The following LRRK1 variants were observed in gnomAD, a reference collection of about 807,000 sequenced individuals.
LRRK1 encodes the protein leucine-rich repeat serine/threonine-protein kinase 1.
LRRK1 carries 113 observed loss-of-function variants against 209.1 expected under a neutral mutation model. That is an observed-to-expected ratio of 0.54 (90% CI 0.46 to 0.63). LRRK1 has a LOEUF of 0.63. LRRK1 is among the 30% of genes least tolerant of loss of function. LRRK1 has a pLI of 0.00. For synonymous variants in LRRK1, 1,144 were observed against 1,099.7 expected, an observed-to-expected ratio of 1.04 and a Z score of -0.80; for missense variants, 2,284 against 2,632.2, an observed-to-expected ratio of 0.87 and a Z score of 2.89.
rs1397784534 is a variant in LRRK1 at position 100,993,660 on chromosome 15, C to G, written c.762+4262C>G. Among the ~76,000 whole-genome samples, 9 of 152,068 alleles carry G rather than the reference C, an allele frequency of 5.9e-5. No homozygotes were observed. In the East Asian group the frequency reaches 1.5e-3, roughly 26 times the overall value. ...TATTTATTTTCAGGTTTTTATTTGT[C>G]TCTTTGCCGTAGGTATATTTCTTGT... On this transcript the variant is annotated intron_variant, in intron 6 of 33. Transcript: ENST00000388948.
intron 6 of LRRK1, among the ~76,000 whole-genome samples, chr15:101,004,912 T>TTA (rs2032870554): frequency 6.6e-6 from 1 of 152,362 alleles, no homozygotes; most frequent in East Asian, 1.9e-4. Flanking sequence ...TTTGTTTATT[T>TTA]TATGATGGTC....
intron 6 of LRRK1, among the ~76,000 whole-genome samples, chr15:100,999,303 TTAAGAA>T (rs1315203106): frequency 6.6e-6 from 1 of 152,240 alleles, no homozygotes; most frequent in Non-Finnish European, 1.5e-5. Context: ...TACCTGTTTT[TTAAGAA>T]TTTTAGCAAA....
Position 101,052,908 on chromosome 15 carries a change from G to A in LRRK1, c.3690-14G>A, listed in dbSNP as rs190416632. 2 of 1,600,276 alleles carry A rather than the reference G, an allele frequency of 1.2e-6. No individual in the cohort carries two copies. Among genetic ancestry groups the A allele is most frequent in the Non-Finnish European group, 1.7e-6 (2 of 1,169,472 alleles). On this transcript the variant is annotated splice_polypyrimidine_tract_variant and intron_variant, in intron 24 of 33. Coordinates refer to ENST00000388948, the MANE Select transcript of LRRK1 (RefSeq NM_024652.6). ...GGCGGGGGGGATGTGGCTGATGCCGGGCGTGTGTGGCAGGCTCTTCCTGGA... is the reference window on the plus strand; with the variant it reads ...GGCGGGGGGGATGTGGCTGATGCCGAGCGTGTGTGGCAGGCTCTTCCTGGA...
chr15:100,924,582 G>A lies in LRRK1; in HGVS notation c.-51G>A, dbSNP rs771516620. 57 of 1,533,212 alleles carry A rather than the reference G, an allele frequency of 3.7e-5. No homozygotes were observed. The highest frequency in any genetic ancestry group is 4.9e-5 in the Non-Finnish European group (54 of 1,107,588). The allele number at this position is 1,533,212 out of a possible 1,614,324, so 95.0% of individuals were successfully genotyped here. On this transcript the variant is annotated 5_prime_UTR_variant, in exon 2 of 34. It introduces an in-frame stop codon into an upstream open reading frame of the 5' UTR. Coordinates refer to ENST00000388948, the MANE Select transcript of LRRK1 (RefSeq NM_024652.6). ...ATGCACCCCACAGCCAGCGGCAGTGGCAGTGACAACAGCGGGACCTGCCTT... is the reference window on the plus strand; with the variant it reads ...ATGCACCCCACAGCCAGCGGCAGTGACAGTGACAACAGCGGGACCTGCCTT...
At position 101,053,299 on chromosome 15, in the gene LRRK1, G is replaced by A. The variant is rs78975797; in HGVS notation, c.3933G>A (p.Leu1311=). 1.5e-3 allele frequency: 2,463 copies of A among 1,605,956 alleles called. 36 individuals are homozygous for A. In the African/African-American group the frequency reaches 0.027, roughly 18 times the overall value. The change falls in exon 26 of 34, where the codon CTG becomes CTA. Residue 1311 remains leucine, a synonymous_variant. Coordinates refer to ENST00000388948, the MANE Select transcript of LRRK1 (RefSeq NM_024652.6). Reference sequence around the variant, plus strand: ...AGTTCCGGCAGGAGGCCAGCATGCTGCACGCGCTGCAGCACCCCTGCATCG... The same window carrying A: ...AGTTCCGGCAGGAGGCCAGCATGCTACACGCGCTGCAGCACCCCTGCATCG... ...FSEFRQEASM[L]HALQHPCIVA... is the part of the protein sequence containing the mutation.
Position 101,066,685 on chromosome 15 carries a change from C to T in LRRK1, c.5814C>T (p.Gly1938=), listed in dbSNP as rs2959197. 13 of 1,613,724 alleles carry T rather than the reference C, an allele frequency of 8.1e-6. No homozygotes were observed. In the East Asian group the frequency reaches 8.9e-5, roughly 11 times the overall value. The change falls in exon 33 of 34, where the codon GGC becomes GGT. Residue 1938 remains glycine (G), a synonymous_variant. Transcript: ENST00000388948. ...VIVIGLEKDS[G]AQRGRVIAVL... ...TCATTGGCCTGGAGAAGGATTCTGG[C>T]GCCCAGCGGGGCCGAGTCATTGCCG...
chr15:100,954,264 C>G (rs2042711605), intron 2 of LRRK1, among the ~76,000 whole-genome samples: 1 of 152,118 alleles, frequency 6.6e-6, no homozygotes, highest in African/African-American at 2.4e-5. Flanking sequence ...GTGCCGACAA[C>G]CTTTTCCTAT....
chr15:100,987,111 T>G (rs1402594447), intron 4 of LRRK1, among the ~76,000 whole-genome samples: 2 of 152,208 alleles, frequency 1.3e-5, no homozygotes, highest in Non-Finnish European at 2.9e-5. Context: ...AATCATTAAT[T>G]CTGGTTAACA....
chr15:101,054,812 A>G, intron 26 of LRRK1, 134 bp from the exon 27 acceptor site: 1 of 805,826 alleles, frequency 1.2e-6, no homozygotes, highest in Non-Finnish European at 1.9e-6. Flanking sequence ...ACTCTGTCTC[A>G]ATAAAAGAAA....
rs374909931 is a variant in LRRK1 at position 101,011,982 on chromosome 15, A to AT, written c.1282-17dup. Reference sequence around the variant, plus strand: ...GCATTTAAAGAGCTAACTAATATACATTTTTTTTTCTCGTCAATCTCTTAG... The same window carrying AT: ...GCATTTAAAGAGCTAACTAATATACATTTTTTTTTTCTCGTCAATCTCTTAG... On this transcript the variant is annotated intron_variant, in intron 9 of 33. Transcript: ENST00000388948. 1,492 of 1,509,674 alleles carry AT rather than the reference A, an allele frequency of 9.9e-4. 1 individual carries two copies. The highest frequency in any genetic ancestry group is 1.6e-3 in the Middle Eastern group (9 of 5,708). 93.5% of individuals were successfully genotyped at this position (1,509,674 alleles called of 1,614,324 possible).
At chr15:101,012,483 C>T (rs780032490) in intron 10 of LRRK1, among the ~76,000 whole-genome samples, 12 of 152,312 alleles carry the variant, frequency 7.9e-5, no homozygotes, top group Middle Eastern at 3.4e-3. Context: ...CCCCAGAATA[C>T]GGGTACCTTC....
chr15:101,067,789 C>T (rs2036617991), intron 33 of LRRK1, among the ~76,000 whole-genome samples: 1 of 152,250 alleles, frequency 6.6e-6, no homozygotes, highest in Non-Finnish European at 1.5e-5. Flanking sequence ...TCCCAGCTTG[C>T]AGGTCGGGCT....
At chr15:100,984,901 C>T (rs1210048715) in intron 4 of LRRK1, among the ~76,000 whole-genome samples, 1 of 152,160 alleles carries the variant, frequency 6.6e-6, no homozygotes, top group Non-Finnish European at 1.5e-5. Flanking sequence ...AGCCAGGGCC[C>T]ACCTCTTGGG....
chr15:100,955,560 G>C (rs552122741), intron 2 of LRRK1, among the ~76,000 whole-genome samples: 1 of 152,152 alleles, frequency 6.6e-6, no homozygotes, highest in South Asian at 2.1e-4. Context: ...TACTTGTCTT[G>C]TTCCTGATCT....
At chr15:100,922,555 G>A (rs1160316362) in intron 1 of LRRK1, among the ~76,000 whole-genome samples, 1 of 152,120 alleles carries the variant, frequency 6.6e-6, no homozygotes, top group Non-Finnish European at 1.5e-5. Context: ...TAGCTGTTTT[G>A]GAGAGGTGTC....
chr15:101,051,407 C>T (rs1177574325), intron 23 of LRRK1, among the ~76,000 whole-genome samples: 1 of 152,306 alleles, frequency 6.6e-6, no homozygotes, highest in South Asian at 2.1e-4. Context: ...AGGGCCCAGT[C>T]ATGCAGGAGG....
chr15:101,049,941 G>A (rs74040261), intron 23 of LRRK1, among the ~76,000 whole-genome samples, 158 bp downstream of exon 23: 141 of 152,220 alleles, frequency 9.3e-4, no homozygotes, highest in African/African-American at 3.2e-3. Context: ...CCTGGCCCCC[G>A]AGAAGTCCAG....
chr15:101,050,276 C>T (rs1016380507), intron 23 of LRRK1, among the ~76,000 whole-genome samples: 11 of 152,218 alleles, frequency 7.2e-5, no homozygotes, highest in African/African-American at 2.7e-4. Context: ...ACCACTAACA[C>T]CGCCCTTCTC....
At chr15:100,962,808 T>TATATATATACAC (rs1567202788) in intron 2 of LRRK1, among the ~76,000 whole-genome samples, 1 of 28,694 alleles carries the variant, frequency 3.5e-5, no homozygotes, top group Non-Finnish European at 7.9e-5. Context: ...TATATATATA[T>TATATATATACAC]ATATATATAT....
Sources: allele counts gnomAD v4.1 joint callset (sites outside exome capture counted in the v4.1 genomes callset), GRCh38; gene constraint gnomAD v4.1.1; transcripts MANE v1.5; gene names NCBI Gene and HGNC (gene_info 2026-07-23, HGNC 2026-07-21).